The following FAM78B variants were observed in gnomAD, a reference collection of about 807,000 sequenced individuals.
FAM78B encodes protein FAM78B.
FAM78B carries 10 observed loss-of-function variants against 20.0 expected under a neutral mutation model. The ratio of observed to expected loss-of-function variants is 0.50; its 90% confidence interval spans 0.31 to 0.85. The LOEUF is 0.85. Among genes scored for constraint, FAM78B ranks in the 40% least tolerant of loss-of-function variants. FAM78B has a pLI of 0.05. For missense variants in FAM78B, 283 were observed against 345.0 expected (o/e 0.82, Z 1.42); for synonymous variants, 135 against 132.8 (o/e 1.02, Z -0.12).
intron 1 of FAM78B, among the ~76,000 whole-genome samples, chr1:166,140,535 C>A (rs1008866369): frequency 3.3e-5 from 5 of 152,208 alleles, no homozygotes; most frequent in African/African-American, 1.2e-4. Context: ...GCGAGAAAGG[C>A]ACCATCATCT....
In FAM78B at chr1:166,109,814, GTATATA is replaced by G. The variant is rs201957585; in HGVS notation, c.264-39057_264-39052del. Among the ~76,000 whole-genome samples the G allele has an allele frequency of 2.3e-3, 75 of 32,642 alleles. 6 individuals are homozygous for G. Among genetic ancestry groups the G allele is most frequent in the African/African-American group, 6.3e-3 (64 of 10,204 alleles). 21.4% of individuals were successfully genotyped at this position (32,642 alleles called of 152,430 possible). On this transcript the variant is annotated intron_variant, in intron 1 of 1. Coordinates refer to ENST00000354422, the MANE Select transcript of FAM78B (RefSeq NM_001017961.5). The stretch of plus-strand genomic sequence containing the variant: ...GAAACTGTGATATATATGTATATAT[GTATATA>G]TATATATATATGTATATATGTATAT...
chr1:166,145,934 C>CT (rs984293483), intron 1 of FAM78B, among the ~76,000 whole-genome samples: 12 of 151,982 alleles, frequency 7.9e-5, no homozygotes, highest in South Asian at 4.1e-4. Flanking sequence ...CTAAAATTCT[C>CT]TTTTTTTTAT....
chr1:166,143,934 T>C (rs1177590460), intron 1 of FAM78B, among the ~76,000 whole-genome samples: 1 of 152,088 alleles, frequency 6.6e-6, no homozygotes, highest in African/African-American at 2.4e-5. Flanking sequence ...GGGGAGGGAA[T>C]GTCCCTCCTC....
intron 1 of FAM78B, among the ~76,000 whole-genome samples, chr1:166,132,084 A>G (rs1486109529): frequency 1.3e-5 from 2 of 152,252 alleles, no homozygotes; most frequent in African/African-American, 4.8e-5. Flanking sequence ...GTCAGCAGAT[A>G]CCTCTACAGT....
intron 1 of FAM78B, among the ~76,000 whole-genome samples, chr1:166,156,782 A>G (rs1655914221): frequency 6.6e-6 from 1 of 152,056 alleles, no homozygotes; most frequent in Non-Finnish European, 1.5e-5. Flanking sequence ...CATGGCTCAC[A>G]TGCTCCAGCA....
chr1:166,155,565 G>C (rs1274756863), intron 1 of FAM78B, among the ~76,000 whole-genome samples: 3 of 152,164 alleles, frequency 2.0e-5, no homozygotes, highest in South Asian at 2.1e-4. Flanking sequence ...CAAAAGACAG[G>C]CTCCTTGGTT....
chr1:166,074,851 A>G (rs1652204214), intron 1 of FAM78B, among the ~76,000 whole-genome samples: 2 of 152,186 alleles, frequency 1.3e-5, no homozygotes, highest in Non-Finnish European at 2.9e-5. Flanking sequence ...AGTGTCAGAG[A>G]CTCCAAGTGA....
chr1:166,161,738 G>T (rs531455188), intron 1 of FAM78B, among the ~76,000 whole-genome samples: 1 of 152,170 alleles, frequency 6.6e-6, no homozygotes, highest in Non-Finnish European at 1.5e-5. Flanking sequence ...AGATGGTTTC[G>T]CTTGAGCAAC....
intron 1 of FAM78B, among the ~76,000 whole-genome samples, chr1:166,090,976 G>C (rs753697379): frequency 6.6e-6 from 1 of 152,132 alleles, no homozygotes; most frequent in Non-Finnish European, 1.5e-5. Context: ...AGTTGGGGTG[G>C]GGGTGCGACT....
At chr1:166,146,438 TG>T (rs1198606105) in intron 1 of FAM78B, among the ~76,000 whole-genome samples, 1 of 152,224 alleles carries the variant, frequency 6.6e-6, no homozygotes, top group Non-Finnish European at 1.5e-5. Context: ...TAAGGGCTGC[TG>T]ACCGGACAGG....
intron 1 of FAM78B, among the ~76,000 whole-genome samples, chr1:166,078,337 T>C (rs1652418843): frequency 6.6e-6 from 1 of 152,062 alleles, no homozygotes; most frequent in East Asian, 1.9e-4. Context: ...CCGTCAATAT[T>C]AGTTATTATC....
intron 1 of FAM78B, among the ~76,000 whole-genome samples, chr1:166,077,798 T>C (rs1253884926): frequency 1.5e-5 from 2 of 130,994 alleles, no homozygotes. Context: ...CATATAATTA[T>C]ATATATTTAT....
At chr1:166,165,310 C>G (rs947694289) in intron 1 of FAM78B, among the ~76,000 whole-genome samples, 2 of 152,206 alleles carry the variant, frequency 1.3e-5, no homozygotes, top group Non-Finnish European at 2.9e-5. Flanking sequence ...TCGCACAAGG[C>G]TATCCGCCCT....
intron 1 of FAM78B, among the ~76,000 whole-genome samples, chr1:166,108,135 C>T (rs1257806261): frequency 6.6e-6 from 1 of 152,066 alleles, no homozygotes; most frequent in Non-Finnish European, 1.5e-5. Flanking sequence ...TACTGGAAGT[C>T]CTAGTCAGAG....
At chr1:166,124,087 C>T (rs146553168) in intron 1 of FAM78B, among the ~76,000 whole-genome samples, 2 of 152,316 alleles carry the variant, frequency 1.3e-5, no homozygotes, top group East Asian at 1.9e-4. Context: ...TGCCCCACCC[C>T]GAGGCTGCCA....
At chr1:166,072,425 G>T (rs535062138) in intron 1 of FAM78B, among the ~76,000 whole-genome samples, 13 of 152,354 alleles carry the variant, frequency 8.5e-5, no homozygotes, top group African/African-American at 2.4e-4. Flanking sequence ...GAATTGACCT[G>T]ATGCAGAAAG....
chr1:166,150,554 C>T (rs1301276214), intron 1 of FAM78B, among the ~76,000 whole-genome samples: 1 of 152,150 alleles, frequency 6.6e-6, no homozygotes, highest in East Asian at 1.9e-4. Context: ...AAGCCCACAA[C>T]TCAAGAGGTA....
intron 1 of FAM78B, chr1:166,154,877 C>A: frequency 4.3e-6 from 2 of 470,258 alleles, no homozygotes. Context: ...CCCGCACCAT[C>A]CTAACACCCT....
intron 1 of FAM78B, among the ~76,000 whole-genome samples, chr1:166,129,870 G>A (rs1371999157): frequency 6.6e-6 from 1 of 152,174 alleles, no homozygotes; most frequent in African/African-American, 2.4e-5. Context: ...CTATGGCCAT[G>A]CCATGTCACT....
Sources: allele counts gnomAD v4.1 joint callset (sites outside exome capture counted in the v4.1 genomes callset), GRCh38; gene constraint gnomAD v4.1.1; transcripts MANE v1.5; gene names NCBI Gene and HGNC (gene_info 2026-07-23, HGNC 2026-07-21).